The following DAP variants were observed in gnomAD, a reference collection of about 807,000 sequenced individuals.
DAP encodes death associated protein, also known as death-associated protein 1.
A neutral mutation model predicts 13.8 loss-of-function variants in DAP; 8 were observed. The ratio of observed to expected loss-of-function variants is 0.58; its 90% CI spans 0.34 to 1.05. The LOEUF (loss-of-function observed/expected upper bound fraction) is 1.05. Ranked by LOEUF, DAP falls within the 50% of genes least tolerant of loss-of-function variation. The pLI is 0.03. For missense variants in DAP, 106 were observed against 133.2 expected (o/e 0.80, Z 1.01); for synonymous variants, 47 against 47.5 (o/e 0.99, Z 0.04).
intron 2 of DAP, among the ~76,000 whole-genome samples, chr5:10,711,903 A>G (rs1486588003): frequency 6.6e-6 from 1 of 152,238 alleles, no homozygotes; most frequent in Non-Finnish European, 1.5e-5. Flanking sequence ...CAGGCAGGGC[A>G]GGAAGGACTT....
intron 2 of DAP, among the ~76,000 whole-genome samples, chr5:10,718,932 G>T (rs549927751): frequency 2.6e-5 from 4 of 152,140 alleles, no homozygotes; most frequent in Non-Finnish European, 4.4e-5. Context: ...ATATCACACT[G>T]GTCCATTACA....
intron 2 of DAP, among the ~76,000 whole-genome samples, chr5:10,740,118 A>G (rs1271966401): frequency 2.6e-5 from 4 of 152,216 alleles, no homozygotes; most frequent in African/African-American, 9.6e-5. Context: ...ATACATTTTT[A>G]AAAGCCAAAT....
chr5:10,726,918 G>A (rs2126663276), intron 2 of DAP, among the ~76,000 whole-genome samples: 1 of 152,266 alleles, frequency 6.6e-6, no homozygotes, highest in South Asian at 2.1e-4. Context: ...TGCATGTAGT[G>A]GAATCATCAC....
At chr5:10,751,593 C>G (rs543036278) in intron 1 of DAP, among the ~76,000 whole-genome samples, 2 of 152,270 alleles carry the variant, frequency 1.3e-5, no homozygotes, top group African/African-American at 4.8e-5. Flanking sequence ...TAGTGTCCCC[C>G]CAAAATTCAT....
intron 2 of DAP, among the ~76,000 whole-genome samples, chr5:10,713,253 G>A (rs1427966169): frequency 6.6e-6 from 1 of 152,208 alleles, no homozygotes; most frequent in Non-Finnish European, 1.5e-5. Context: ...AAGGTCAACT[G>A]ACTAGGGCAA....
At chr5:10,710,817 G>A (rs535976822) in intron 2 of DAP, among the ~76,000 whole-genome samples, 163 of 152,246 alleles carry the variant, frequency 1.1e-3, no homozygotes, top group African/African-American at 3.8e-3. Context: ...GAAAGGGAGG[G>A]GCAAATGGAA....
At chr5:10,746,549 C>T (rs1275815555) in intron 2 of DAP, among the ~76,000 whole-genome samples, 3 of 151,952 alleles carry the variant, frequency 2.0e-5, no homozygotes, top group Non-Finnish European at 2.9e-5. Context: ...AGGCTGGTCT[C>T]GCACCCCTGA....
intron 2 of DAP, among the ~76,000 whole-genome samples, chr5:10,691,171 G>A (rs1738297902): frequency 1.3e-5 from 2 of 152,244 alleles, no homozygotes; most frequent in South Asian, 4.1e-4. Flanking sequence ...ATAATTGGCT[G>A]TAAGGACATA....
chr5:10,708,857 G>T (rs1207423831), intron 2 of DAP, among the ~76,000 whole-genome samples: 1 of 152,156 alleles, frequency 6.6e-6, no homozygotes, highest in Non-Finnish European at 1.5e-5. Flanking sequence ...CCTGTTGTTG[G>T]GTGAGTGATT....
intron 2 of DAP, among the ~76,000 whole-genome samples, chr5:10,704,068 C>A (rs2126647116): frequency 6.6e-6 from 1 of 152,340 alleles, no homozygotes; most frequent in East Asian, 1.9e-4. Flanking sequence ...ACCTTCATCT[C>A]CACAGGTGCC....
rs181274449 is a variant in DAP at position 10,749,510 on chromosome 5, T to C, written c.56-1239A>G. 2.9e-3 allele frequency among the ~76,000 whole-genome samples: 446 copies of C among 152,346 alleles called. 9 individuals are homozygous for C. Among genetic ancestry groups the C allele is most frequent in the South Asian group, 1.7e-3 (8 of 4,828 alleles). The stretch of plus-strand genomic sequence containing the variant: ...TATAGCCATCCTAGTGGGTGTGAAG[T>C]GGTCTCTTATTGTGGTTTGATGTGC... On this transcript the variant is annotated intron_variant, in intron 1 of 3. Transcript: ENST00000230895.
chr5:10,750,041 C>G (rs1032529767), intron 1 of DAP, among the ~76,000 whole-genome samples: 2 of 152,110 alleles, frequency 1.3e-5, no homozygotes, highest in Admixed American at 6.6e-5. Context: ...GGCTAGAAAG[C>G]AGGGTCATTT....
At position 10,761,229 on chromosome 5, in the gene DAP, G is replaced by A. The variant is rs560313097; in HGVS notation, c.-161C>T. On this transcript the variant is annotated 5_prime_UTR_variant, in exon 1 of 4. Transcript: ENST00000230895. ...CCGCGCGAGCCGGGTGAGTGCCACT[G>A]CCGTTAAGGGGGCGCGGCCGCCGCG... 9.0e-3 allele frequency: 2,026 copies of A among 225,322 alleles called. 41 individuals carry two copies. The highest frequency in any genetic ancestry group is 0.045 in the African/African-American group (1,897 of 42,614). The allele number at this position is 225,322 out of a possible 1,614,324, so 14.0% of individuals were successfully genotyped here.
At chr5:10,727,555 G>T (rs1262634810) in intron 2 of DAP, among the ~76,000 whole-genome samples, 2 of 152,178 alleles carry the variant, frequency 1.3e-5, no homozygotes, top group East Asian at 1.9e-4. Flanking sequence ...GGTTTAGATG[G>T]GGGGGACTGG....
intron 2 of DAP, among the ~76,000 whole-genome samples, chr5:10,708,341 C>T (rs1738752245): frequency 6.6e-6 from 1 of 151,746 alleles, no homozygotes; most frequent in Non-Finnish European, 1.5e-5. Flanking sequence ...CATATACACA[C>T]ACAGATACAC....
At chr5:10,746,968 G>A (rs1341243043) in intron 2 of DAP, among the ~76,000 whole-genome samples, 1 of 152,168 alleles carries the variant, frequency 6.6e-6, no homozygotes. Context: ...TTCCTGCTAC[G>A]TTACCTAGCA....
chr5:10,753,316 G>A (rs971563493), intron 1 of DAP, among the ~76,000 whole-genome samples: 1 of 152,234 alleles, frequency 6.6e-6, no homozygotes, highest in Non-Finnish European at 1.5e-5. Context: ...TCGTAGGTAA[G>A]CCTTTCCTTG....
intron 2 of DAP, among the ~76,000 whole-genome samples, chr5:10,747,424 T>C (rs1051139491): frequency 3.9e-5 from 6 of 152,150 alleles, no homozygotes; most frequent in African/African-American, 9.7e-5. Flanking sequence ...AGAGGTATCA[T>C]ATAAGGACAC....
chr5:10,688,958 T>C (rs1483301), intron 2 of DAP, among the ~76,000 whole-genome samples: 47,395 of 152,002 alleles, frequency 0.31, 7,971 homozygotes, highest in East Asian at 0.45. Context: ...TCTCCAGCAC[T>C]GGTCCCCTGT....
Sources: gnomAD v4.1 joint callset for allele counts (sites outside exome capture counted in the v4.1 genomes callset) on GRCh38, gnomAD v4.1.1 for gene constraint, MANE v1.5 for transcripts, NCBI Gene and HGNC (gene_info 2026-07-23, HGNC 2026-07-21) for gene names.